Variants in DRC7 observed in about 807,000 individuals in gnomAD.
DRC7 encodes the protein coiled-coil domain containing 135.
In DRC7, 80 loss-of-function variants were observed where a neutral mutation model predicts 104.4. That is an observed-to-expected ratio of 0.77 (90% CI 0.64 to 0.92). The LOEUF is 0.92. DRC7 is among the 40% of genes least tolerant of loss of function. The pLI, the probability that DRC7 is intolerant of heterozygous loss-of-function variation, is 0.00. For synonymous variants in DRC7, 405 were observed against 447.3 expected (o/e 0.91, Z 1.19); for missense variants, 1,034 against 1,141.1 (o/e 0.91, Z 1.35).
At chr16:57,704,376 T>TACACACACACACACACACAC (rs55873452) in intron 6 of DRC7, among the ~76,000 whole-genome samples, 5 of 149,100 alleles carry the variant, frequency 3.4e-5, no homozygotes, top group African/African-American at 1.2e-4. Context: ...CACGCAAGCG[T>TACACACACACACACACACAC]ACACACACAC....
intron 8 of DRC7, among the ~76,000 whole-genome samples, chr16:57,711,013 T>G (rs1159312245): frequency 6.6e-6 from 1 of 152,226 alleles, no homozygotes; most frequent in Non-Finnish European, 1.5e-5. Context: ...TTGGGAAGTT[T>G]CCCTTTTCTT....
At position 57,701,956 on chromosome 16, in the gene DRC7, G is replaced by T. The variant is rs116262472; in HGVS notation, c.525G>T (p.Ser175=). The T allele has an allele frequency of 1.2e-6, 2 of 1,613,914 alleles. No individual in the cohort carries two copies. The highest frequency in any genetic ancestry group is 1.1e-5 in the South Asian group (1 of 91,060). Residue 175 remains serine (S), a synonymous_variant, in exon 6 of 19, where the codon TCG becomes TCT. Transcript: ENST00000360716. ...ACCAGCCCTCGCACCTGTACTCCTC[G>T]ACCACTGTGCTCAAGTACCAGAAGG... The part of the protein sequence containing the change: ...PLKPPSHLYS[S]TTVLKYQKGN...
intron 6 of DRC7, among the ~76,000 whole-genome samples, chr16:57,704,038 G>T (rs2048686782): frequency 6.7e-6 from 1 of 148,264 alleles, no homozygotes. Flanking sequence ...TCAGCCAAAA[G>T]CTTAATGATT....
rs781487527 is a variant in DRC7, at chr16:57,726,018, C to T, written c.1759-50C>T. The T allele has an allele frequency of 2.0e-6, 3 of 1,514,612 alleles. No homozygotes were observed. In the Admixed American group the frequency reaches 5.5e-5, roughly 28 times the overall value. 93.8% of individuals were successfully genotyped at this position (1,514,612 alleles called of 1,614,324 possible). ...GCCTGCGGGCATGCACAGAAATCTC[C>T]TCTCACACGCTCATCCTTTGCTCAT... On this transcript the variant is annotated intron_variant, in intron 13 of 18. Transcript: ENST00000360716.
chr16:57,722,669 C>T (rs778922448), intron 10 of DRC7, 44 bp from the exon 11 acceptor site: 211 of 1,608,684 alleles, frequency 1.3e-4, no homozygotes, highest in Admixed American at 2.3e-4. Context: ...GCCCTCCCTT[C>T]CCCCAAACTA....
intron 14 of DRC7, 58 bp from the exon 15 acceptor site, chr16:57,726,774 G>C (rs112011792): frequency 1.4e-5 from 15 of 1,063,200 alleles, no homozygotes; most frequent in Middle Eastern, 4.0e-4. Flanking sequence ...GAACCCAGGT[G>C]GTCCTATGCC....
chr16:57,726,622 C>G, intron 14 of DRC7: 1 of 558,190 alleles, frequency 1.8e-6, no homozygotes, highest in East Asian at 3.0e-5. Flanking sequence ...CGCTCACTCT[C>G]CCGGCACAGT....
At chr16:57,728,640 A>G in intron 17 of DRC7, 56 bp downstream of exon 17, 1 of 1,434,864 alleles carries the variant, frequency 7.0e-7, no homozygotes, top group Non-Finnish European at 9.4e-7. Flanking sequence ...CATCCAGGAA[A>G]TGGGCCCACG....
In DRC7 at chr16:57,730,921, A is replaced by G. The variant is rs773053596; in HGVS notation, c.2392-10A>G. 1.8e-5 allele frequency: 29 copies of G among 1,612,702 alleles called. No individual in the cohort carries two copies. Among genetic ancestry groups the G allele is most frequent in the Non-Finnish European group, 2.3e-5 (27 of 1,179,710 alleles). On this transcript the variant is annotated splice_polypyrimidine_tract_variant and intron_variant, in intron 17 of 18. Transcript: ENST00000360716. ...TCAGTCCTCCTTCTCTGTCTGCCCT[A>G]TGACCACAGGAGACCCAGGAGCTGC...
chr16:57,712,949 C>T (rs904908187), intron 8 of DRC7, among the ~76,000 whole-genome samples: 7 of 152,192 alleles, frequency 4.6e-5, no homozygotes, highest in African/African-American at 9.7e-5. Context: ...TCTCCAATTT[C>T]CCTTTTAATT....
intron 15 of DRC7, 52 bp downstream of exon 15, chr16:57,726,994 T>C (rs2923145): frequency 0.032 from 36,258 of 1,145,746 alleles, 2,751 homozygotes; most frequent in East Asian, 0.26. Flanking sequence ...GTTTTTGAGA[T>C]AGGGTCTCGC....
chr16:57,722,732 G>T lies in DRC7; in HGVS notation c.1299G>T (p.Pro433=). 1 of 1,613,790 alleles carries T rather than the reference G, an allele frequency of 6.2e-7. No individual in the cohort carries two copies. Among genetic ancestry groups the T allele is most frequent in the Non-Finnish European group, 8.5e-7 (1 of 1,179,988 alleles). The change falls in exon 11 of 19, where the codon CCG becomes CCT. Residue 433 remains proline, a synonymous_variant. Transcript: ENST00000360716. ...ISPEAFETRC[P]NGKKVIQYKR... is the part of the protein sequence containing the mutation. ...CCACAGCATTTGAGACCCGCTGCCC[G>T]AACGGGAAGAAGGTGATTCAGTACA... is the stretch of plus-strand genomic sequence containing the variant.
chr16:57,728,609 A>AG (rs111310871), intron 17 of DRC7, 25 bp downstream of exon 17: 64 of 1,536,934 alleles, frequency 4.2e-5, no homozygotes, highest in Admixed American at 5.7e-5. Context: ...TTTGTTGGGG[A>AG]GGGGGGGATC....
At position 57,722,976 on chromosome 16, in the gene DRC7, GCGGCAAGTGTCCAT is replaced by G; in HGVS notation, c.1409-21_1409-8del. ...GAAGGCTAGGGGAGCTGGCCTGGCT[GCGGCAAGTGTCCAT>G]CGGCCCCACAGGTACCAATATTTTG... On this transcript the variant is annotated splice_polypyrimidine_tract_variant and intron_variant, in intron 11 of 18. Transcript: ENST00000360716. 1 of 1,613,692 alleles carries G rather than the reference GCGGCAAGTGTCCAT, an allele frequency of 6.2e-7. No individual in the cohort carries two copies.
intron 16 of DRC7, 46 bp downstream of exon 16, chr16:57,727,455 C>G (rs770865080): frequency 6.9e-7 from 1 of 1,443,264 alleles, no homozygotes; most frequent in South Asian, 1.1e-5. Context: ...CCTAGACCCC[C>G]CTGGTCTCCA....
chr16:57,720,922 G>T (rs545605912), intron 9 of DRC7, among the ~76,000 whole-genome samples: 1 of 152,174 alleles, frequency 6.6e-6, no homozygotes, highest in African/African-American at 2.4e-5. Flanking sequence ...AATAGGCCGG[G>T]CATGGTGGCT....
chr16:57,721,848 A>C (rs1000635484), intron 10 of DRC7, 109 bp downstream of exon 10: 6 of 745,768 alleles, frequency 8.0e-6, no homozygotes, highest in Non-Finnish European at 1.4e-5. Context: ...GCCATGCCCC[A>C]CATTTCCACC....
intron 16 of DRC7, among the ~76,000 whole-genome samples, chr16:57,727,993 G>C (rs972802669): frequency 6.6e-6 from 1 of 152,184 alleles, no homozygotes; most frequent in South Asian, 2.1e-4. Flanking sequence ...CAGGCCCCAG[G>C]GTGGAAAAGA....
At position 57,727,375 on chromosome 16, in the gene DRC7, G is replaced by A. The variant is rs759805155; in HGVS notation, c.2162G>A (p.Arg721Gln). Reference protein sequence around the residue: ...TLTISIYDTKRNEKSKEYREA... With the variant: ...TLTISIYDTKQNEKSKEYREA... ...ACCATCTCCATCTATGACACCAAGC[G>A]GAATGAGAAGAGCAAGGAATATCGG... Residue 721 changes from arginine to glutamine, a missense_variant, in exon 16 of 19, where the codon CGG becomes CAG. Arg to Gln is a conservative substitution (Grantham distance 43, BLOSUM62 1). Coordinates refer to ENST00000360716, the MANE Select transcript of DRC7 (RefSeq NM_001289162.2). The A allele has an allele frequency of 4.0e-5, 65 of 1,613,298 alleles. No individual in the cohort carries two copies. Among genetic ancestry groups the A allele is most frequent in the Admixed American group, 6.7e-5 (4 of 59,998 alleles).
Sources: allele counts gnomAD v4.1 joint callset (sites outside exome capture counted in the v4.1 genomes callset), GRCh38; gene constraint gnomAD v4.1.1; transcripts MANE v1.5; gene names NCBI Gene and HGNC (gene_info 2026-07-23, HGNC 2026-07-21).